The following NRXN1 variants were observed in gnomAD, a reference collection of about 807,000 sequenced individuals.
The protein encoded by NRXN1 is neurexin-1.
A neutral mutation model predicts 150.9 loss-of-function variants in NRXN1; 39 were observed. The observed-to-expected ratio is 0.26, with a 90% CI of 0.20 to 0.34. NRXN1 has a LOEUF of 0.34. Ranked by LOEUF, NRXN1 falls within the 10% of genes least tolerant of loss-of-function variation. The pLI is 1.00. For synonymous variants in NRXN1, 924 were observed against 757.0 expected (o/e 1.22, Z -3.62); for missense variants, 1,815 against 1,949.9 (o/e 0.93, Z 1.30).
At chr2:50,581,454 T>A (rs1672251216) in intron 8 of NRXN1, among the ~76,000 whole-genome samples, 1 of 152,154 alleles carries the variant, frequency 6.6e-6, no homozygotes, top group Non-Finnish European at 1.5e-5. Flanking sequence ...TCACCATCCC[T>A]CAGATTCATA....
intron 17 of NRXN1, among the ~76,000 whole-genome samples, chr2:50,384,044 A>C (rs938853513): frequency 1.1e-4 from 17 of 152,202 alleles, no homozygotes; most frequent in East Asian, 3.9e-4. Context: ...TCTCCATCCA[A>C]CTTTTACTAC....
intron 17 of NRXN1, among the ~76,000 whole-genome samples, chr2:50,311,659 GCC>G (rs1422455517): frequency 6.6e-6 from 1 of 152,022 alleles, no homozygotes; most frequent in Non-Finnish European, 1.5e-5. Context: ...ATAATATGCA[GCC>G]ACTGATCTTC....
At chr2:50,308,814 C>T (rs1362528533) in intron 17 of NRXN1, among the ~76,000 whole-genome samples, 1 of 152,256 alleles carries the variant, frequency 6.6e-6, no homozygotes, top group Admixed American at 6.5e-5. Context: ...GGGAGTCAGA[C>T]AGATTTGGGT....
At chr2:50,271,767 C>T (rs1311253249) in intron 17 of NRXN1, among the ~76,000 whole-genome samples, 1 of 151,802 alleles carries the variant, frequency 6.6e-6, no homozygotes, top group African/African-American at 2.4e-5. Context: ...GTAAACTTGC[C>T]TATTTTGGTG....
chr2:50,803,620 T>G (rs1707906353), intron 5 of NRXN1, among the ~76,000 whole-genome samples: 1 of 152,194 alleles, frequency 6.6e-6, no homozygotes, highest in South Asian at 2.1e-4. Context: ...AATAAATTTC[T>G]GGAATATTTT....
intron 19 of NRXN1, among the ~76,000 whole-genome samples, chr2:50,061,393 C>G (rs1349522113): frequency 6.6e-6 from 1 of 152,128 alleles, no homozygotes; most frequent in Non-Finnish European, 1.5e-5. Context: ...GCTTTACATA[C>G]AGCATTTGTG....
chr2:51,028,190 G>C lies in NRXN1; in HGVS notation c.84C>G (p.Gly28=). The change falls in exon 2 of 23, where the codon GGC becomes GGG. Residue 28 remains glycine, a synonymous_variant. Transcript: ENST00000401669. The part of the protein sequence containing the change: ...LLLLGCWAEL[G]SGLEFPGAEG... ...CGGCGCCCGGAAACTCCAGCCCGCT[G>C]CCCAGCTCCGCCCAGCAGCCCAGGA... The C allele has an allele frequency of 6.7e-7, 1 of 1,493,018 alleles. No homozygotes were observed. The allele number at this position is 1,493,018 out of a possible 1,614,324, so 92.5% of individuals were successfully genotyped here.
intron 21 of NRXN1, among the ~76,000 whole-genome samples, chr2:49,999,289 T>A (rs1383881618): frequency 1.3e-5 from 2 of 152,142 alleles, no homozygotes; most frequent in African/African-American, 4.8e-5. Context: ...AAATATGCTA[T>A]CTCCAAAATG....
intron 5 of NRXN1, among the ~76,000 whole-genome samples, chr2:50,625,442 T>C (rs1363971472): frequency 6.6e-6 from 1 of 152,052 alleles, no homozygotes; most frequent in African/African-American, 2.4e-5. Flanking sequence ...TCCCAATCTG[T>C]AATAGTGAAT....
At chr2:50,673,390 A>T (rs1689123408) in intron 5 of NRXN1, among the ~76,000 whole-genome samples, 1 of 152,140 alleles carries the variant, frequency 6.6e-6, no homozygotes, top group South Asian at 2.1e-4. Context: ...CAGAGTCATT[A>T]AAGTTATAAT....
intron 5 of NRXN1, among the ~76,000 whole-genome samples, chr2:50,699,761 C>T (rs937651474): frequency 1.1e-4 from 16 of 152,010 alleles, no homozygotes; most frequent in African/African-American, 3.9e-4. Flanking sequence ...AGAGGACCTA[C>T]CCTAGACACA....
intron 5 of NRXN1, among the ~76,000 whole-genome samples, chr2:50,679,098 T>C (rs867246662): frequency 6.6e-5 from 10 of 151,976 alleles, no homozygotes; most frequent in Admixed American, 2.0e-4. Context: ...TCGGGCTACA[T>C]TGAGATTTTC....
At chr2:50,861,709 T>C (rs1486560994) in intron 5 of NRXN1, among the ~76,000 whole-genome samples, 1 of 152,070 alleles carries the variant, frequency 6.6e-6, no homozygotes, top group Non-Finnish European at 1.5e-5. Context: ...GGTGTGGCTA[T>C]AGCAATAATT....
chr2:50,636,850 A>C (rs1232948673), intron 5 of NRXN1, among the ~76,000 whole-genome samples: 2 of 152,214 alleles, frequency 1.3e-5, no homozygotes, highest in Non-Finnish European at 2.9e-5. Flanking sequence ...TTGTCCCCAA[A>C]TTTAAAGTAC....
intron 8 of NRXN1, among the ~76,000 whole-genome samples, chr2:50,595,595 G>A (rs889674494): frequency 3.3e-5 from 5 of 152,006 alleles, no homozygotes; most frequent in African/African-American, 9.7e-5. Context: ...AAGTCCTCCC[G>A]GACAGATAGA....
At chr2:50,489,025 C>T (rs1484640418) in intron 15 of NRXN1, among the ~76,000 whole-genome samples, 4 of 152,192 alleles carry the variant, frequency 2.6e-5, no homozygotes. Flanking sequence ...ATGTCACCAC[C>T]TTGAAGAGCT....
chr2:50,434,377 C>A (rs1401821248), intron 17 of NRXN1, among the ~76,000 whole-genome samples: 2 of 152,052 alleles, frequency 1.3e-5, no homozygotes, highest in Non-Finnish European at 2.9e-5. Flanking sequence ...CCACCTCGCC[C>A]GGCCATCTTT....
intron 5 of NRXN1, among the ~76,000 whole-genome samples, chr2:50,718,076 G>T (rs559403318): frequency 1.3e-5 from 2 of 152,094 alleles, no homozygotes; most frequent in East Asian, 3.9e-4. Context: ...TTAATTCCTG[G>T]TGTCCATAAC....
At chr2:50,446,181 C>G (rs1029357491) in intron 17 of NRXN1, among the ~76,000 whole-genome samples, 2 of 151,890 alleles carry the variant, frequency 1.3e-5, no homozygotes, top group Admixed American at 1.3e-4. Flanking sequence ...TGCAGAAAAC[C>G]GTATCAAAAT....
Sources: gnomAD v4.1 joint callset for allele counts (sites outside exome capture counted in the v4.1 genomes callset) on GRCh38, gnomAD v4.1.1 for gene constraint, MANE v1.5 for transcripts, NCBI Gene and HGNC (gene_info 2026-07-23, HGNC 2026-07-21) for gene names.